TDRD12: variants seen among roughly 807,000 people sequenced by gnomAD.
TDRD12 encodes the protein tudor domain containing 12, also known as putative ATP-dependent RNA helicase TDRD12.
In TDRD12, 158 loss-of-function variants were observed where a neutral mutation model predicts 133.5. The observed-to-expected ratio is 1.18, with a 90% CI of 1.04 to 1.35. TDRD12 has a LOEUF of 1.35. Ranked by LOEUF, TDRD12 falls within the 40% of genes most tolerant of loss-of-function variation. TDRD12 has a pLI of 0.00. For missense variants in TDRD12, 1,443 were observed against 1,321.3 expected, an observed-to-expected ratio of 1.09 and a Z score of -1.43; for synonymous variants, 460 against 477.9, an observed-to-expected ratio of 0.96 and a Z score of 0.49.
intron 11 of TDRD12, among the ~76,000 whole-genome samples, chr19:32,782,992 CTTT>C (rs1348242094): frequency 6.6e-6 from 1 of 152,136 alleles, no homozygotes; most frequent in African/African-American, 2.4e-5. Context: ...TCAATTTTGA[CTTT>C]TGTTGCCATT....
downstream of TDRD12, chr19:32,824,135 G>A (rs1009285619): frequency 2.0e-5 from 3 of 152,500 alleles, no homozygotes; most frequent in Non-Finnish European, 2.9e-5. Flanking sequence ...GAAGGAAAAC[G>A]TCATGCACTT....
At chr19:32,750,154 T>C (rs1969781367) in intron 6 of TDRD12, among the ~76,000 whole-genome samples, 3 of 152,228 alleles carry the variant, frequency 2.0e-5, no homozygotes, top group Non-Finnish European at 2.9e-5. Context: ...TTTATAAATA[T>C]ACTAATTTGC....
intron 7 of TDRD12, 73 bp downstream of exon 7, chr19:32,756,254 G>C (rs1442047885): frequency 6.4e-6 from 8 of 1,258,294 alleles, no homozygotes; most frequent in East Asian, 3.1e-5. Context: ...GATATAAGTT[G>C]TACAGACTTT....
intron 6 of TDRD12, among the ~76,000 whole-genome samples, chr19:32,752,856 G>C (rs1213972207): frequency 6.9e-6 from 1 of 145,730 alleles, no homozygotes; most frequent in African/African-American, 2.6e-5. Flanking sequence ...GCACTGGCGC[G>C]ATCTCGGCTC....
intron 2 of TDRD12, among the ~76,000 whole-genome samples, chr19:32,735,061 T>C (rs1488196016): frequency 1.3e-5 from 2 of 152,168 alleles, no homozygotes; most frequent in Non-Finnish European, 2.9e-5. Context: ...ATTAGGCCAA[T>C]TAATAACCCT....
exon 21 of TDRD12, chr19:32,802,996 G>A (rs1011540785): frequency 2.5e-5 from 38 of 1,536,024 alleles, no homozygotes; most frequent in Middle Eastern, 3.3e-4. Context: ...CGAGCCATGC[G>A]GTGGGCGTCC....
At chr19:32,770,644 C>T (rs1039111269) in intron 8 of TDRD12, among the ~76,000 whole-genome samples, 1 of 152,064 alleles carries the variant, frequency 6.6e-6, no homozygotes, top group Admixed American at 6.6e-5. Context: ...TGCTTGGGTT[C>T]GAATCCCAGA....
exon 1 of TDRD12, chr19:32,720,004 C>G: frequency 6.5e-7 from 1 of 1,531,330 alleles, no homozygotes; most frequent in Non-Finnish European, 8.8e-7. Flanking sequence ...GCGGACGCAG[C>G]CAGCCTCACC....
rs10408688 is a variant in TDRD12, at chr19:32,820,959, A to G, written c.3384-74A>G. ...GGCCACAGGCACTTCACGGTCATTT[A>G]TTGCCTGCCTTCCTCTTCCACTTGG... On this transcript the variant is annotated intron_variant, in intron 27 of 27. Transcript: ENST00000444215. The G allele has an allele frequency of 1.1e-3, 1,392 of 1,251,790 alleles. 12 individuals carry two copies. In the African/African-American group the frequency reaches 0.018, roughly 16 times the overall value. The allele number at this position is 1,251,790 out of a possible 1,614,324, so 77.5% of individuals were successfully genotyped here. A position where few individuals can be genotyped will look rare whatever the true frequency, so the allele number is the denominator to read the frequency against.
downstream of TDRD12, among the ~76,000 whole-genome samples, chr19:32,821,992 G>C (rs768548270): frequency 3.3e-5 from 5 of 152,114 alleles, no homozygotes; most frequent in Admixed American, 2.6e-4. Context: ...TGGTGGGGGG[G>C]CACCTGTAAT....
At chr19:32,748,612 G>A (rs1357788937) in intron 5 of TDRD12, 81 bp downstream of exon 5, 1 of 1,427,982 alleles carries the variant, frequency 7.0e-7, no homozygotes. Flanking sequence ...GCGGGGGTTG[G>A]AGATGCCCCT....
chr19:32,767,544 CAT>C (rs1024192657), intron 8 of TDRD12, among the ~76,000 whole-genome samples: 5 of 152,212 alleles, frequency 3.3e-5, no homozygotes, highest in African/African-American at 1.2e-4. Context: ...AATTTTCTAA[CAT>C]GTCATAAGCG....
chr19:32,751,605 C>T (rs754616509), intron 6 of TDRD12, among the ~76,000 whole-genome samples: 4 of 151,388 alleles, frequency 2.6e-5, no homozygotes, highest in South Asian at 2.1e-4. Flanking sequence ...CCCTCCCATC[C>T]GTCTCTCTCT....
intron 4 of TDRD12, among the ~76,000 whole-genome samples, chr19:32,743,207 G>A (rs940225966): frequency 7.2e-5 from 11 of 152,228 alleles, no homozygotes; most frequent in Non-Finnish European, 1.6e-4. Flanking sequence ...ACGCGCGCAC[G>A]GTCTCACCCT....
chr19:32,721,796 C>T (rs1229773343), intron 1 of TDRD12, among the ~76,000 whole-genome samples: 2 of 150,572 alleles, frequency 1.3e-5, no homozygotes, highest in African/African-American at 2.5e-5. Context: ...CAAGCTCCGC[C>T]TCCCGGGTTC....
intron 11 of TDRD12, among the ~76,000 whole-genome samples, chr19:32,789,004 C>A (rs76877854): frequency 2.5e-4 from 38 of 152,190 alleles, no homozygotes; most frequent in Admixed American, 8.5e-4. Context: ...CCTACAGCCC[C>A]GAGTCCTGAG....
rs1160036819 is a variant in TDRD12, at chr19:32,772,858, T to C, written c.963+8T>C. On this transcript the variant is annotated splice_region_variant and intron_variant, in intron 9 of 27. Transcript: ENST00000444215. Reference sequence around the variant, plus strand: ...TTAAAAGATACAAATAAGGTTGTATTTTAAAAATGTTCTTTAAATACAAAG... The same window carrying C: ...TTAAAAGATACAAATAAGGTTGTATCTTAAAAATGTTCTTTAAATACAAAG... 2.2e-6 allele frequency: 3 copies of C among 1,389,980 alleles called. No individual in the cohort carries two copies. The highest frequency in any genetic ancestry group is 1.9e-6 in the Non-Finnish European group (2 of 1,049,184). The allele number at this position is 1,389,980 out of a possible 1,614,324, so 86.1% of individuals were successfully genotyped here.
intron 11 of TDRD12, 32 bp downstream of exon 11, chr19:32,777,261 A>G: frequency 1.6e-6 from 2 of 1,218,454 alleles, no homozygotes; most frequent in Non-Finnish European, 2.3e-6. Flanking sequence ...TGAATTGTGT[A>G]TTGAAATAAT....
chr19:32,765,914 G>A (rs1178407033), intron 8 of TDRD12, among the ~76,000 whole-genome samples: 3 of 145,424 alleles, frequency 2.1e-5, no homozygotes, highest in African/African-American at 7.6e-5. Flanking sequence ...CAGAGCAGCT[G>A]AAAAAAAAAA....
Sources: allele counts gnomAD v4.1 joint callset (sites outside exome capture counted in the v4.1 genomes callset), GRCh38; gene constraint gnomAD v4.1.1; transcripts MANE v1.5; gene names NCBI Gene and HGNC (gene_info 2026-07-23, HGNC 2026-07-21).